KDM6A: variants seen among roughly 807,000 people sequenced by gnomAD.
KDM6A encodes the protein lysine-specific demethylase 6A.
Under a neutral mutation model 117.6 loss-of-function variants are expected in KDM6A, and 11 were observed. The observed-to-expected ratio is 0.09, with a 90% CI of 0.06 to 0.15. The LOEUF is 0.15. Among genes scored for constraint, KDM6A ranks in the 10% least tolerant of loss-of-function variants. KDM6A has a pLI of 1.00. For missense variants in KDM6A, 799 were observed against 1,077.3 expected (o/e 0.74, Z 3.62); for synonymous variants, 384 against 396.1 (o/e 0.97, Z 0.36).
chrX:44,986,588 C>G (rs1223537855), intron 4 of KDM6A, among the ~76,000 whole-genome samples: 1 of 111,588 alleles, frequency 9.0e-6, no homozygotes, highest in East Asian at 2.8e-4. Flanking sequence ...TTGAATGTGT[C>G]CCAGAGATTC....
intron 8 of KDM6A, among the ~76,000 whole-genome samples, chrX:45,038,256 T>A (rs1289123768): frequency 9.0e-6 from 1 of 111,715 alleles, no homozygotes; most frequent in African/African-American, 3.3e-5. Flanking sequence ...TTGATGTAGA[T>A]CATTTGCAAG....
intron 18 of KDM6A, among the ~76,000 whole-genome samples, chrX:45,070,774 AG>A (rs2044789193): frequency 9.1e-6 from 1 of 109,356 alleles, no homozygotes; most frequent in African/African-American, 3.3e-5. Context: ...TCACTTATCA[AG>A]GCTAGTCTTT....
intron 2 of KDM6A, among the ~76,000 whole-genome samples, chrX:44,875,295 CAG>C (rs780680070): frequency 1.4e-4 from 16 of 112,185 alleles, no homozygotes; most frequent in Admixed American, 8.6e-4. Flanking sequence ...CTTGGTTTCG[CAG>C]AGTCATCAAT....
chrX:44,904,759 A>G (rs1012835688), intron 2 of KDM6A, among the ~76,000 whole-genome samples: 1 of 111,637 alleles, frequency 9.0e-6, no homozygotes, highest in Non-Finnish European at 1.9e-5. Context: ...TTTACCAGAA[A>G]TCTATTATGC....
At chrX:44,917,819 G>T (rs1381860649) in intron 2 of KDM6A, among the ~76,000 whole-genome samples, 1 of 112,296 alleles carries the variant, frequency 8.9e-6, no homozygotes, top group Non-Finnish European at 1.9e-5. Context: ...TTTTAAGGCT[G>T]TTATTGGGGT....
chrX:44,995,266 CT>C (rs2040811511), intron 4 of KDM6A, among the ~76,000 whole-genome samples: 1 of 110,063 alleles, frequency 9.1e-6, no homozygotes, highest in Admixed American at 9.7e-5. Context: ...CTGTATTCTC[CT>C]TTTTTTTCAG....
At chrX:45,000,873 A>G (rs1056839000) in intron 4 of KDM6A, among the ~76,000 whole-genome samples, 5 of 112,937 alleles carry the variant, frequency 4.4e-5, no homozygotes, top group Admixed American at 3.7e-4. Flanking sequence ...GGTCAACTGG[A>G]GGACCACCTT....
chrX:45,089,623 AATT>A, intron 25 of KDM6A, 117 bp from the exon 26 acceptor site: 1 of 535,579 alleles, frequency 1.9e-6, no homozygotes, highest in East Asian at 3.6e-5. Context: ...TTGCACAAGC[AATT>A]ATGTTTCAAT....
chrX:44,997,977 G>T (rs371698657), intron 4 of KDM6A, among the ~76,000 whole-genome samples: 49 of 111,836 alleles, frequency 4.4e-4, no homozygotes, highest in East Asian at 2.2e-3. Flanking sequence ...TATGAGATTG[G>T]GAACATTTCA....
In KDM6A at chrX:45,060,111, C is replaced by T. The variant is rs147633358; in HGVS notation, c.1284C>T (p.Pro428=). The change falls in exon 13 of 30, where the codon CCC becomes CCT. Residue 428 remains proline, a synonymous_variant. Coordinates refer to ENST00000611820, the MANE Select transcript of KDM6A (RefSeq NM_001291415.2). ...AGGAGGCGTGGAGCCTACCAATTCC[C>T]GCAGAGCTTACCTCCAGGCAGGGTG... is the stretch of plus-strand genomic sequence containing the variant. ...SIEEAWSLPI[P]AELTSRQGAM... The T allele has an allele frequency of 4.6e-5, 56 of 1,209,649 alleles. No homozygotes were observed. In the African/African-American group the frequency reaches 7.3e-4, roughly 16 times the overall value.
intron 4 of KDM6A, among the ~76,000 whole-genome samples, chrX:44,981,861 A>C (rs887517534): frequency 1.8e-5 from 2 of 112,001 alleles, no homozygotes; most frequent in African/African-American, 6.5e-5. Context: ...AGGTGGGCAC[A>C]TCACCTGAGG....
chrX:44,957,712 A>C (rs1251278803), intron 2 of KDM6A, among the ~76,000 whole-genome samples: 1 of 111,857 alleles, frequency 8.9e-6, no homozygotes, highest in African/African-American at 3.3e-5. Flanking sequence ...TCCACCAGCT[A>C]TAAACAATTA....
chrX:45,025,167 ATT>A (rs1264025642), intron 6 of KDM6A, among the ~76,000 whole-genome samples: 1 of 104,664 alleles, frequency 9.6e-6, no homozygotes, highest in Non-Finnish European at 2.0e-5. Context: ...TTAATTCAGG[ATT>A]TTTTTTTTTT....
At chrX:44,919,506 A>G (rs2035769818) in intron 2 of KDM6A, among the ~76,000 whole-genome samples, 1 of 111,527 alleles carries the variant, frequency 9.0e-6, no homozygotes, top group Non-Finnish European at 1.9e-5. Context: ...CTTCAGGGCT[A>G]GAATAATACA....
In KDM6A at chrX:44,875,566, T is replaced by A. The variant is rs186298806; in HGVS notation, c.225+1579T>A. ...ATTGTTGGTCTCCTGCCTTAAAGTTTTTTTTTTTTTTTCCAATTTGAGTAT... is the reference window on the plus strand; with the variant it reads ...ATTGTTGGTCTCCTGCCTTAAAGTTATTTTTTTTTTTTCCAATTTGAGTAT... On this transcript the variant is annotated intron_variant, in intron 2 of 29. Coordinates refer to ENST00000611820, the MANE Select transcript of KDM6A (RefSeq NM_001291415.2). Among the ~76,000 whole-genome samples, 111 of 110,829 alleles carry A rather than the reference T, an allele frequency of 1.0e-3. 2 individuals are homozygous for A. The East Asian group carries it at 0.028, about 28-fold the overall frequency.
Position 45,110,970 on chromosome X carries a change from TGAA to T in KDM6A, c.4333-405_4333-403del, listed in dbSNP as rs754473997. Among the ~76,000 whole-genome samples, 9 of 112,227 alleles carry T rather than the reference TGAA, an allele frequency of 8.0e-5. No individual in the cohort carries two copies. In the East Asian group the frequency reaches 2.2e-3, roughly 28 times the overall value. On this transcript the variant is annotated intron_variant, in intron 29 of 29. Coordinates refer to ENST00000611820, the MANE Select transcript of KDM6A (RefSeq NM_001291415.2). ...CACTTGAATGGTCTTCAAGATTGCT[TGAA>T]GAAGAAAATTATCTGAAATATGTTG... is the stretch of plus-strand genomic sequence containing the variant.
chrX:44,950,005 G>A (rs765615689), intron 2 of KDM6A, among the ~76,000 whole-genome samples: 2 of 110,514 alleles, frequency 1.8e-5, no homozygotes, highest in Admixed American at 1.9e-4. Context: ...AAAAAATAAA[G>A]GGTTATAATG....
At chrX:45,000,066 A>G in intron 4 of KDM6A, among the ~76,000 whole-genome samples, 1 of 111,862 alleles carries the variant, frequency 8.9e-6, no homozygotes, top group African/African-American at 3.3e-5. Flanking sequence ...AAAGTACAAC[A>G]TTGAGTTTTC....
At chrX:45,080,664 G>A (rs928927465) in intron 21 of KDM6A, among the ~76,000 whole-genome samples, 1 of 111,576 alleles carries the variant, frequency 9.0e-6, no homozygotes. Flanking sequence ...TCCCCCTGCC[G>A]CTCCCTATAT....
Sources: allele counts gnomAD v4.1 joint callset (sites outside exome capture counted in the v4.1 genomes callset), GRCh38; gene constraint gnomAD v4.1.1; transcripts MANE v1.5; gene names NCBI Gene and HGNC (gene_info 2026-07-23, HGNC 2026-07-21).